The following ANKRD36C variants were observed in gnomAD, a reference collection of about 807,000 sequenced individuals.
The protein encoded by ANKRD36C is ankyrin repeat domain 36C, also known as ankyrin repeat domain-containing protein 36C.
ANKRD36C carries 61 observed loss-of-function variants against 276.4 expected under a neutral mutation model. The observed-to-expected ratio is 0.22, with a 90% confidence interval of 0.18 to 0.27. The LOEUF is 0.27. Ranked by LOEUF, ANKRD36C falls within the 10% of genes least tolerant of loss-of-function variation. The probability of loss-of-function intolerance (pLI) is 1.00; values close to 1 mark genes in which losing one functional copy is unlikely to be tolerated. For synonymous variants in ANKRD36C, 483 were observed against 680.1 expected, an observed-to-expected ratio of 0.71 and a Z score of 4.51; for missense variants, 1,447 against 2,032.3, an observed-to-expected ratio of 0.71 and a Z score of 5.54.
In ANKRD36C at chr2:95,991,628, G is replaced by T. The variant is rs926699034; in HGVS notation, c.81C>A (p.Pro27=). 1.9e-6 allele frequency: 3 copies of T among 1,614,052 alleles called. No homozygotes were observed. In the African/African-American group the frequency reaches 4.0e-5, roughly 22 times the overall value. ...TCCCCTTCAGATGATACGGTTTAAT[G>T]GGGTATTGGGGAAATAAGAAGCCAT... Residue 27 remains proline, a synonymous_variant, in exon 1 of 67, where the codon CCC becomes CCA. Transcript: ENST00000456556.
Position 95,962,456 on chromosome 2 carries a change from C to T in ANKRD36C, c.829-32G>A, listed in dbSNP as rs767041644. ...GGGATTTGAAACAAAATAATCAATA[C>T]GTAAAGTATTTTTCACAGACTATAT... On this transcript the variant is annotated intron_variant, in intron 7 of 66. Transcript: ENST00000456556. The T allele has an allele frequency of 9.2e-5, 146 of 1,587,868 alleles. 1 individual carries two copies. Among genetic ancestry groups the T allele is most frequent in the Middle Eastern group, 3.3e-4 (2 of 6,044 alleles).
exon 33 of ANKRD36C, chr2:95,921,789 G>A (rs552188086): frequency 1.2e-6 from 2 of 1,602,166 alleles, no homozygotes; most frequent in East Asian, 2.3e-5. Context: ...TACCTTCAAG[G>A]CTGGTTGTTT....
At chr2:95,990,655 C>G (rs1486214559) in intron 1 of ANKRD36C, among the ~76,000 whole-genome samples, 1 of 152,172 alleles carries the variant, frequency 6.6e-6, no homozygotes, top group Non-Finnish European at 1.5e-5. Flanking sequence ...GAGCTCAGAA[C>G]TTTAGAAAAA....
chr2:95,963,189 G>C (rs1387590412), intron 6 of ANKRD36C, among the ~76,000 whole-genome samples: 2 of 151,982 alleles, frequency 1.3e-5, no homozygotes, highest in African/African-American at 4.8e-5. Flanking sequence ...CCTTCTGAAA[G>C]TTTTTTCATC....
Position 95,908,627 on chromosome 2 carries a change from T to C in ANKRD36C, c.2653+3617A>G, listed in dbSNP as rs753134485. The C allele has an allele frequency of 3.8e-6, 6 of 1,563,762 alleles. No homozygotes were observed. In the African/African-American group the frequency reaches 5.5e-5, roughly 14 times the overall value. On this transcript the variant is annotated intron_variant, in intron 42 of 66. Transcript: ENST00000456556. ...AATTAATAAAGTATGTTTCATAGAC[T>C]ATACATTTACTAGTTCACAACATAA...
chr2:95,914,631 C>G (rs1012690246), intron 38 of ANKRD36C, among the ~76,000 whole-genome samples: 1 of 151,448 alleles, frequency 6.6e-6, no homozygotes, highest in African/African-American at 2.4e-5. Flanking sequence ...ACTCACACAC[C>G]TGAGAATCAA....
chr2:95,952,955 T>G (rs1313369987), intron 14 of ANKRD36C, among the ~76,000 whole-genome samples: 1 of 152,260 alleles, frequency 6.6e-6, no homozygotes, highest in Non-Finnish European at 1.5e-5. Context: ...ATTTTTTCAA[T>G]AACTAAGCAC....
intron 19 of ANKRD36C, among the ~76,000 whole-genome samples, chr2:95,943,884 G>A (rs1238064029): frequency 6.6e-6 from 1 of 152,008 alleles, no homozygotes; most frequent in African/African-American, 2.4e-5. Context: ...CAGTGTACGT[G>A]TGATGATTTG....
At chr2:95,948,729 T>C (rs1678122017) in intron 16 of ANKRD36C, 133 bp from the exon 17 acceptor site, 2 of 707,236 alleles carry the variant, frequency 2.8e-6, no homozygotes, top group Non-Finnish European at 4.5e-6. Context: ...CAGTTATCCT[T>C]ATATTAAATA....
intron 42 of ANKRD36C, among the ~76,000 whole-genome samples, chr2:95,911,571 T>G (rs1286359638): frequency 6.6e-6 from 1 of 151,508 alleles, no homozygotes; most frequent in Non-Finnish European, 1.5e-5. Flanking sequence ...GTATCTCTGA[T>G]GCCTAATAGT....
chr2:95,869,335 A>C (rs569706761), intron 59 of ANKRD36C, among the ~76,000 whole-genome samples: 3 of 152,306 alleles, frequency 2.0e-5, no homozygotes, highest in South Asian at 4.1e-4. Context: ...TTATGTGTTA[A>C]ATTTCCCAAA....
intron 6 of ANKRD36C, among the ~76,000 whole-genome samples, chr2:95,970,831 G>C (rs1453413303): frequency 6.6e-6 from 1 of 152,170 alleles, no homozygotes; most frequent in Non-Finnish European, 1.5e-5. Context: ...AACCTCTTGA[G>C]ATTGTCCCTT....
At position 95,919,807 on chromosome 2, in the gene ANKRD36C, T is replaced by C; in HGVS notation, c.2246-1765A>G. On this transcript the variant is annotated intron_variant, in intron 34 of 66. Transcript: ENST00000456556. ...AGAATCTTCCTCGTCAGTTGTAGCC[T>C]GAATGGAATTTGAAAGAAAATAATA... is the stretch of plus-strand genomic sequence containing the variant. The C allele has an allele frequency of 6.9e-7, 1 of 1,447,874 alleles. No homozygotes were observed. Among genetic ancestry groups the C allele is most frequent in the Non-Finnish European group, 9.3e-7 (1 of 1,074,046 alleles). 89.7% of individuals were successfully genotyped at this position (1,447,874 alleles called of 1,614,324 possible). A position where few individuals can be genotyped will look rare whatever the true frequency, so the allele number is the denominator to read the frequency against.
chr2:95,891,838 G>A, exon 45 of ANKRD36C: 2 of 1,562,974 alleles, frequency 1.3e-6, no homozygotes, highest in South Asian at 1.2e-5. Context: ...TTACCTTCAA[G>A]CCTGATGGTT....
rs181968092 is a variant in ANKRD36C, at chr2:95,851,564, T to C, written c.5313+130A>G. The C allele has an allele frequency of 3.7e-5, 30 of 820,724 alleles. No homozygotes were observed. The African/African-American group carries it at 3.8e-4, about 10-fold the overall frequency. The allele number at this position is 820,724 out of a possible 1,614,324, so 50.8% of individuals were successfully genotyped here. On this transcript the variant is annotated intron_variant, in intron 66 of 66. Transcript: ENST00000456556. ...TCCGCAAGATATTTCATTAGGTATA[T>C]GCAAATATTCCAAAATCTGAAAAAA...
intron 13 of ANKRD36C, among the ~76,000 whole-genome samples, chr2:95,954,517 T>G (rs1466523661): frequency 2.6e-5 from 4 of 152,176 alleles, no homozygotes; most frequent in Admixed American, 1.3e-4. Flanking sequence ...TGTAAGCTAC[T>G]TAAAGAGGGC....
At chr2:95,893,651 G>A in intron 44 of ANKRD36C, 45 bp downstream of exon 63, 1 of 1,597,016 alleles carries the variant, frequency 6.3e-7, no homozygotes, top group Non-Finnish European at 8.5e-7. Flanking sequence ...ATGTTTCATA[G>A]ACCATACATT....
At chr2:95,910,338 A>G (rs1331787420) in intron 42 of ANKRD36C, 35 bp downstream of exon 46, 1 of 1,519,550 alleles carries the variant, frequency 6.6e-7, no homozygotes, top group East Asian at 2.5e-5. Context: ...ATCTATCTGG[A>G]CAGAACACGA....
chr2:95,946,947 T>C (rs1312670509), intron 17 of ANKRD36C, among the ~76,000 whole-genome samples: 1 of 151,924 alleles, frequency 6.6e-6, no homozygotes, highest in Non-Finnish European at 1.5e-5. Context: ...TTGGGAGATA[T>C]ACCTAATGCT....
Sources: allele counts gnomAD v4.1 joint callset (sites outside exome capture counted in the v4.1 genomes callset), GRCh38; gene constraint gnomAD v4.1.1; transcripts MANE v1.5; gene names NCBI Gene and HGNC (gene_info 2026-07-23, HGNC 2026-07-21).